The following DGKG variants were observed in gnomAD, a reference collection of about 807,000 sequenced individuals.
The protein encoded by DGKG is diacylglycerol kinase gamma, also known as DAG kinase gamma.
Under a neutral mutation model 105.3 loss-of-function variants are expected in DGKG, and 78 were observed. The observed-to-expected ratio is 0.74, with a 90% CI of 0.62 to 0.89. The LOEUF is 0.89. DGKG is among the 40% of genes least tolerant of loss of function. DGKG has a pLI of 0.00. For missense variants in DGKG, 958 were observed against 1,020.1 expected (o/e 0.94, Z 0.83); for synonymous variants, 346 against 367.1 (o/e 0.94, Z 0.66).
chr3:186,316,636 A>T (rs1377189500), intron 2 of DGKG, among the ~76,000 whole-genome samples: 1 of 152,206 alleles, frequency 6.6e-6, no homozygotes, highest in Non-Finnish European at 1.5e-5. Flanking sequence ...GTTTACATAC[A>T]AAGTTAAGTT....
chr3:186,254,825 C>T lies in DGKG; in HGVS notation c.1511-1643G>A, dbSNP rs375329007. Among the ~76,000 whole-genome samples the T allele has an allele frequency of 2.6e-4, 39 of 152,312 alleles. No homozygotes were observed. The South Asian group carries it at 6.0e-3, about 23-fold the overall frequency. ...CATGAACCACAGTCCCTCGCACTGG[C>T]TCACTGCTTTCACTTCTGGGATGGG... On this transcript the variant is annotated intron_variant, in intron 17 of 24. Transcript: ENST00000265022.
intron 20 of DGKG, among the ~76,000 whole-genome samples, chr3:186,230,791 C>T (rs776597673): frequency 1.3e-5 from 2 of 152,120 alleles, no homozygotes; most frequent in Non-Finnish European, 2.9e-5. Context: ...TAAAATTGTG[C>T]AATTAAACTG....
chr3:186,160,534 T>C (rs1716243292), intron 24 of DGKG: 23 of 985,450 alleles, frequency 2.3e-5, no homozygotes, highest in Non-Finnish European at 2.7e-5. Flanking sequence ...GAGAAATTTC[T>C]GTTTTTGATA....
intron 2 of DGKG, among the ~76,000 whole-genome samples, chr3:186,309,604 G>T (rs1012560230): frequency 1.3e-5 from 2 of 152,270 alleles, no homozygotes; most frequent in African/African-American, 4.8e-5. Context: ...GAGGTTGTTA[G>T]CTCAGCCAAA....
At chr3:186,308,294 T>C (rs1724353798) in intron 2 of DGKG, among the ~76,000 whole-genome samples, 1 of 152,164 alleles carries the variant, frequency 6.6e-6, no homozygotes, top group African/African-American at 2.4e-5. Context: ...TAAAAACACA[T>C]TATGAATGCA....
chr3:186,342,029 G>A (rs1367009667), intron 1 of DGKG, among the ~76,000 whole-genome samples: 1 of 152,210 alleles, frequency 6.6e-6, no homozygotes, highest in Non-Finnish European at 1.5e-5. Flanking sequence ...GGTGGGAGGA[G>A]TGAGGAGGGA....
chr3:186,230,031 G>A lies in DGKG; in HGVS notation c.1826+12473C>T, dbSNP rs955651908. ...TCTCAGCACTTTGGGAGGCCGAGGC[G>A]GGCGGATCACGAGGTCAGGAGATCA... On this transcript the variant is annotated intron_variant, in intron 20 of 24. Transcript: ENST00000265022. 1.3e-4 allele frequency among the ~76,000 whole-genome samples: 20 copies of A among 152,234 alleles called. 1 individual carries two copies. The highest frequency in any genetic ancestry group is 5.2e-4 in the Admixed American group (8 of 15,298).
At chr3:186,243,021 G>C (rs1720763325) in intron 19 of DGKG, among the ~76,000 whole-genome samples, 1 of 151,912 alleles carries the variant, frequency 6.6e-6, no homozygotes, top group Admixed American at 6.6e-5. Context: ...TCACAATTAA[G>C]TTGCAAAAAT....
chr3:186,286,805 G>A (rs112091125), intron 6 of DGKG, among the ~76,000 whole-genome samples: 1,541 of 152,132 alleles, frequency 0.01, 28 homozygotes, highest in African/African-American at 0.034. Flanking sequence ...AGGCCAAGGC[G>A]GGCGGATCAC....
intron 21 of DGKG, among the ~76,000 whole-genome samples, chr3:186,209,190 T>A (rs1372022411): frequency 6.8e-6 from 1 of 146,770 alleles, no homozygotes; most frequent in East Asian, 2.1e-4. Context: ...AGCCTCTGCC[T>A]CCTGGGTTCA....
chr3:186,327,600 A>G (rs1292627743), intron 1 of DGKG, among the ~76,000 whole-genome samples: 1 of 151,016 alleles, frequency 6.6e-6, no homozygotes, highest in Non-Finnish European at 1.5e-5. Flanking sequence ...TTTTGTAGAG[A>G]CAGTGTCTCA....
At chr3:186,247,430 GGT>G (rs1720995607) in intron 19 of DGKG, among the ~76,000 whole-genome samples, 2 of 152,136 alleles carry the variant, frequency 1.3e-5, no homozygotes, top group Admixed American at 1.3e-4. Flanking sequence ...AGATATTCTA[GGT>G]CCTTCAAAAG....
At chr3:186,229,770 CAT>C (rs541231722) in intron 20 of DGKG, among the ~76,000 whole-genome samples, 6 of 152,228 alleles carry the variant, frequency 3.9e-5, no homozygotes, top group Non-Finnish European at 8.8e-5. Flanking sequence ...ATGCTCAACT[CAT>C]TTTGGCTGAA....
intron 20 of DGKG, among the ~76,000 whole-genome samples, chr3:186,223,326 C>T (rs1276186035): frequency 1.3e-5 from 2 of 151,876 alleles, no homozygotes; most frequent in African/African-American, 2.4e-5. Context: ...GAAAGGGTAG[C>T]AGAGAGCACA....
chr3:186,167,360 G>T (rs1423773934), intron 22 of DGKG, among the ~76,000 whole-genome samples: 1 of 152,188 alleles, frequency 6.6e-6, no homozygotes, highest in Non-Finnish European at 1.5e-5. Context: ...TTGAGGTAAA[G>T]AAATCTATGT....
At chr3:186,306,290 T>A (rs1329977281) in intron 3 of DGKG, among the ~76,000 whole-genome samples, 1 of 152,138 alleles carries the variant, frequency 6.6e-6, no homozygotes, top group Non-Finnish European at 1.5e-5. Context: ...CAGGAAAATG[T>A]TTTTAATATA....
chr3:186,255,371 G>A (rs973063372), intron 17 of DGKG, among the ~76,000 whole-genome samples: 15 of 152,216 alleles, frequency 9.9e-5, no homozygotes, highest in African/African-American at 2.9e-4. Context: ...TCACATTCAC[G>A]TTGGAAAACA....
intron 1 of DGKG, among the ~76,000 whole-genome samples, chr3:186,324,920 A>G (rs1436000898): frequency 6.6e-6 from 1 of 152,280 alleles, no homozygotes; most frequent in Non-Finnish European, 1.5e-5. Flanking sequence ...TCACAGTAGC[A>G]AAGGCATGGA....
At chr3:186,155,906 T>A (rs73178172) in intron 24 of DGKG, among the ~76,000 whole-genome samples, 9,526 of 152,308 alleles carry the variant, frequency 0.063, 397 homozygotes, top group Middle Eastern at 0.15. Flanking sequence ...CTTCCTTTTT[T>A]AAAAACTTGT....
Sources: gnomAD v4.1 joint callset for allele counts (sites outside exome capture counted in the v4.1 genomes callset) on GRCh38, gnomAD v4.1.1 for gene constraint, MANE v1.5 for transcripts, NCBI Gene and HGNC (gene_info 2026-07-23, HGNC 2026-07-21) for gene names.